The following GABRG3 variants were observed in gnomAD, a reference collection of about 807,000 sequenced individuals.
The protein encoded by GABRG3 is gamma-aminobutyric acid type A receptor subunit gamma3, also known as gamma-aminobutyric acid receptor subunit gamma-3.
Under a neutral mutation model 48.8 loss-of-function variants are expected in GABRG3, and 25 were observed. The ratio of observed to expected loss-of-function variants is 0.51; its 90% CI spans 0.37 to 0.72. The LOEUF is 0.72. GABRG3 is among the 30% of genes least tolerant of loss of function. GABRG3 has a pLI of 0.00. For missense variants in GABRG3, 394 were observed against 577.9 expected, an observed-to-expected ratio of 0.68 and a Z score of 3.26; for synonymous variants, 227 against 217.6, an observed-to-expected ratio of 1.04 and a Z score of -0.38.
At chr15:27,156,894 G>A (rs1898445122) in intron 3 of GABRG3, among the ~76,000 whole-genome samples, 1 of 152,146 alleles carries the variant, frequency 6.6e-6, no homozygotes, top group Admixed American at 6.5e-5. Context: ...TTTCTAAGCA[G>A]TTCATGCTTT....
chr15:27,032,562 G>C (rs1404362576), intron 3 of GABRG3, among the ~76,000 whole-genome samples: 1 of 152,180 alleles, frequency 6.6e-6, no homozygotes, highest in Non-Finnish European at 1.5e-5. Context: ...TCAATGGTGA[G>C]AGGGAGCAAG....
rs192883680 is a variant in GABRG3, at chr15:27,514,318, T to A, written c.713-5654T>A. 1.6e-4 allele frequency among the ~76,000 whole-genome samples: 25 copies of A among 152,348 alleles called. No individual in the cohort carries two copies. The East Asian group carries it at 4.6e-3, about 28-fold the overall frequency. ...AATTAGGTGTGGCTTAGCGGGGAACTTTGTTTAGGCTCTTAGGGCTGCAAT... is the reference window on the plus strand; with the variant it reads ...AATTAGGTGTGGCTTAGCGGGGAACATTGTTTAGGCTCTTAGGGCTGCAAT... On this transcript the variant is annotated intron_variant, in intron 6 of 9. Coordinates refer to ENST00000615808, the MANE Select transcript of GABRG3 (RefSeq NM_033223.5).
intron 2 of GABRG3, among the ~76,000 whole-genome samples, chr15:26,977,629 T>C (rs905117369): frequency 1.3e-5 from 2 of 152,244 alleles, no homozygotes; most frequent in African/African-American, 4.8e-5. Context: ...TTGAGATTCA[T>C]TCAAGTTGTT....
intron 3 of GABRG3, among the ~76,000 whole-genome samples, chr15:27,195,172 T>A (rs573207768): frequency 6.6e-6 from 1 of 152,362 alleles, no homozygotes; most frequent in African/African-American, 2.4e-5. Flanking sequence ...TTGAAGCATT[T>A]TTATGACAAC....
In GABRG3 at chr15:27,537,817, T is replaced by TTTAC. The variant is rs1891583156; in HGVS notation, c.*4939_*4940insCTTA. On this transcript the variant is annotated 3_prime_UTR_variant, in exon 10 of 10. Transcript: ENST00000615808. ...ACTTTCTTTATATTTATTTTTATTATTTATTTATTTATTTATTTATTTATT... is the reference window on the plus strand; with the variant it reads ...ACTTTCTTTATATTTATTTTTATTATTTACTTATTTATTTATTTATTTATTTATT... 1 of 108,630 alleles carries TTTAC rather than the reference T, an allele frequency of 9.2e-6. No individual in the cohort carries two copies. The highest frequency in any genetic ancestry group is 1.8e-5 in the Non-Finnish European group (1 of 55,436). 6.7% of individuals were successfully genotyped at this position (108,630 alleles called of 1,614,324 possible).
At position 26,975,157 on chromosome 15, in the gene GABRG3, G is replaced by A. The variant is rs575068116; in HGVS notation, c.54-1845G>A. 1.7e-4 allele frequency among the ~76,000 whole-genome samples: 26 copies of A among 152,166 alleles called. No individual in the cohort carries two copies. In the East Asian group the frequency reaches 3.5e-3, roughly 20 times the overall value. ...TTCCCAAAGTGTTGGGATTACAGGC[G>A]TGAACAACCATGCCCGGCCAGATGA... On this transcript the variant is annotated intron_variant, in intron 1 of 9. Coordinates refer to ENST00000615808, the MANE Select transcript of GABRG3 (RefSeq NM_033223.5). The surrounding 1 kb of genome is among the most constrained non-coding windows in gnomAD (Gnocchi z 4.6).
intron 6 of GABRG3, among the ~76,000 whole-genome samples, chr15:27,504,073 T>G (rs1354632649): frequency 6.6e-6 from 1 of 151,796 alleles, no homozygotes; most frequent in Non-Finnish European, 1.5e-5. Context: ...TTATTAAACT[T>G]TTTTTCTTAT....
chr15:27,374,687 G>A (rs936120509), intron 5 of GABRG3, among the ~76,000 whole-genome samples: 5 of 152,132 alleles, frequency 3.3e-5, no homozygotes, highest in Non-Finnish European at 7.4e-5. Context: ...AAACAGCCAC[G>A]CCAAGGTGTG....
intron 5 of GABRG3, among the ~76,000 whole-genome samples, chr15:27,471,004 T>C (rs558671804): frequency 6.6e-6 from 1 of 152,288 alleles, no homozygotes; most frequent in Non-Finnish European, 1.5e-5. Flanking sequence ...TAGAGGTGAT[T>C]TATCAAGACA....
chr15:27,181,271 C>G (rs920112748), intron 3 of GABRG3, among the ~76,000 whole-genome samples: 19 of 152,116 alleles, frequency 1.2e-4, no homozygotes, highest in African/African-American at 4.3e-4. Flanking sequence ...TCATCAAACC[C>G]CAAAGTCCTT....
intron 6 of GABRG3, among the ~76,000 whole-genome samples, chr15:27,502,468 A>G (rs1467542827): frequency 2.6e-5 from 4 of 152,152 alleles, no homozygotes; most frequent in African/African-American, 9.7e-5. Flanking sequence ...TCTGTGACCA[A>G]ATGTGTGGCT....
chr15:27,493,366 A>T (rs1890403602), intron 6 of GABRG3, among the ~76,000 whole-genome samples: 1 of 152,198 alleles, frequency 6.6e-6, no homozygotes. Context: ...AGCTAATATC[A>T]GGTAGATAGC....
chr15:27,320,119 A>G (rs1473694023), intron 3 of GABRG3, among the ~76,000 whole-genome samples: 1 of 152,142 alleles, frequency 6.6e-6, no homozygotes, highest in East Asian at 1.9e-4. Flanking sequence ...AGGACCCCTC[A>G]CTAGCAGAAG....
chr15:26,994,770 C>T (rs986530872), intron 2 of GABRG3, among the ~76,000 whole-genome samples: 3 of 151,888 alleles, frequency 2.0e-5, no homozygotes, highest in Non-Finnish European at 2.9e-5. Context: ...ACCACATTTC[C>T]TTCTGTTATT....
rs1407056462 is a variant in GABRG3 at position 27,352,090 on chromosome 15, GTGTA to G, written c.574+23205_574+23208del. On this transcript the variant is annotated intron_variant, in intron 5 of 9. Transcript: ENST00000615808. This position sits in a 1 kb window ranked among gnomAD's most constrained non-coding sequence, Gnocchi z 4.0. ...GTGTGTGTGTGTATGGTGCATGTGTGTGTATGATGTGTGTATGTATGGTGTGTGT... is the reference window on the plus strand; with the variant it reads ...GTGTGTGTGTGTATGGTGCATGTGTGTGATGTGTGTATGTATGGTGTGTGT... Among the ~76,000 whole-genome samples the G allele has an allele frequency of 6.7e-6, 1 of 150,148 alleles. No individual in the cohort carries two copies. Among genetic ancestry groups the G allele is most frequent in the African/African-American group, 2.5e-5 (1 of 40,714 alleles).
intron 3 of GABRG3, among the ~76,000 whole-genome samples, chr15:27,161,771 T>G (rs1310407744): frequency 6.6e-6 from 1 of 152,130 alleles, no homozygotes; most frequent in Non-Finnish European, 1.5e-5. Context: ...GATATCTAGT[T>G]GCTACAGGAA....
At chr15:27,153,466 G>C (rs977707270) in intron 3 of GABRG3, among the ~76,000 whole-genome samples, 23 of 152,022 alleles carry the variant, frequency 1.5e-4, no homozygotes, top group African/African-American at 5.5e-4. Context: ...ATTGTTTTAG[G>C]TACTTTGCTT....
At chr15:27,446,791 T>C (rs552323640) in intron 5 of GABRG3, among the ~76,000 whole-genome samples, 37 of 152,322 alleles carry the variant, frequency 2.4e-4, no homozygotes, top group African/African-American at 8.9e-4. Flanking sequence ...AGAAAGACTT[T>C]CTGAATCCAG....
chr15:27,423,217 CAA>C (rs112058241), intron 5 of GABRG3, among the ~76,000 whole-genome samples: 9 of 16,522 alleles, frequency 5.4e-4, no homozygotes, highest in Admixed American at 1.6e-3. Flanking sequence ...CCCAGGTATA[CAA>C]AAAAAAAAAA....
Sources: allele counts gnomAD v4.1 joint callset (sites outside exome capture counted in the v4.1 genomes callset), GRCh38; gene constraint gnomAD v4.1.1; non-coding constraint Gnocchi (gnomAD v3.1); transcripts MANE v1.5; gene names NCBI Gene and HGNC (gene_info 2026-07-23, HGNC 2026-07-21).